The following SAXO5 variants were observed in gnomAD, a reference collection of about 807,000 sequenced individuals.
SAXO5 encodes stabilizer of axonemal microtubules 5.
the SAXO5 span, chr19:7,504,093 T>TCTCTCTCTCC: frequency 3.3e-6 from 5 of 1,498,540 alleles, no homozygotes; most frequent in African/African-American, 1.4e-5. Flanking sequence ...TCTCTCTCTC[T>TCTCTCTCTCC]CCCCCCATCC....
the SAXO5 span, chr19:7,508,444 A>C: frequency 1.3e-6 from 2 of 1,599,874 alleles, no homozygotes; most frequent in Non-Finnish European, 1.7e-6. Context: ...CCATCTTGGC[A>C]ACATTCCACT....
chr19:7,504,614 G>A, the SAXO5 span, among the ~76,000 whole-genome samples: 1 of 152,050 alleles, frequency 6.6e-6, no homozygotes, highest in East Asian at 1.9e-4. Context: ...GCTGAGGCAG[G>A]AGAATCGCCT....
At chr19:7,498,418 C>CA in the SAXO5 span, among the ~76,000 whole-genome samples, 1 of 117,608 alleles carries the variant, frequency 8.5e-6, no homozygotes, top group Non-Finnish European at 1.7e-5. Flanking sequence ...TTTTTTGAGA[C>CA]AGAGTTTCGC....
the SAXO5 span, chr19:7,500,729 A>AAGGAGTCAAAAGC: frequency 8.4e-7 from 1 of 1,190,024 alleles, no homozygotes; most frequent in Non-Finnish European, 1.1e-6. Flanking sequence ...AGGCAGCAGA[A>AAGGAGTCAAAAGC]AGGAGTCAAA....
chr19:7,501,411 C>T, the SAXO5 span: 3 of 1,471,334 alleles, frequency 2.0e-6, no homozygotes, highest in African/African-American at 1.5e-5. Context: ...TGAGCGCGCG[C>T]CCGGGCTGAG....
chr19:7,506,234 CCCCCAT>C, the SAXO5 span: 1 of 1,215,466 alleles, frequency 8.2e-7, no homozygotes, highest in South Asian at 1.5e-5. Flanking sequence ...GAAAGCCCCG[CCCCCAT>C]GGAGCCCCTC....
the SAXO5 span, chr19:7,506,218 A>G: frequency 8.7e-4 from 924 of 1,059,212 alleles, 6 homozygotes; most frequent in Admixed American, 0.018. Flanking sequence ...GGGAAGCCCC[A>G]CCCCCGAAAG....
At chr19:7,506,248 CTCCCCAT>C in the SAXO5 span, 1 of 616,444 alleles carries the variant, frequency 1.6e-6, no homozygotes, top group Non-Finnish European at 2.3e-6. Context: ...CATGGAGCCC[CTCCCCAT>C]GGAGCCCCGC....
At chr19:7,501,307 G>C in the SAXO5 span, 1 of 1,571,776 alleles carries the variant, frequency 6.4e-7, no homozygotes, top group Non-Finnish European at 8.6e-7. Context: ...CCTGGCGACC[G>C]CGACAAGTTG....
the SAXO5 span, chr19:7,507,072 C>A: frequency 6.2e-7 from 1 of 1,614,060 alleles, no homozygotes; most frequent in South Asian, 1.1e-5. Flanking sequence ...ATTTTTTAAC[C>A]ATGAACCAGA....
chr19:7,500,893 C>G, the SAXO5 span: 1 of 1,576,728 alleles, frequency 6.3e-7, no homozygotes, highest in Non-Finnish European at 8.6e-7. Context: ...CTCAAGGCCT[C>G]GCACTTCTCG....
chr19:7,503,918 G>A, the SAXO5 span, among the ~76,000 whole-genome samples: 2 of 152,326 alleles, frequency 1.3e-5, no homozygotes, highest in African/African-American at 4.8e-5. Context: ...ACAGGCATGG[G>A]CCATTGCACC....
the SAXO5 span, chr19:7,507,054 A>G: frequency 6.2e-7 from 1 of 1,612,786 alleles, no homozygotes; most frequent in Non-Finnish European, 8.5e-7. Flanking sequence ...CTGAATCTCC[A>G]GAATTCGATT....
At chr19:7,501,859 A>AAG in the SAXO5 span, among the ~76,000 whole-genome samples, 268 of 145,754 alleles carry the variant, frequency 1.8e-3, 1 homozygote, top group African/African-American at 6.1e-3. Context: ...AGAAAGAAGA[A>AAG]AGAGAGAGAG....
the SAXO5 span, chr19:7,501,476 C>T: frequency 3.0e-6 from 4 of 1,353,318 alleles, no homozygotes; most frequent in Non-Finnish European, 3.8e-6. Flanking sequence ...CTCTTCATTC[C>T]CCTTCCCCCA....
At chr19:7,501,010 C>A in the SAXO5 span, 2 of 1,528,790 alleles carry the variant, frequency 1.3e-6, no homozygotes, top group African/African-American at 2.8e-5. Context: ...CAGCCGCCGC[C>A]CGCGCTGCTT....
At chr19:7,501,915 GAGGA>G in the SAXO5 span, among the ~76,000 whole-genome samples, 2,346 of 120,596 alleles carry the variant, frequency 0.019, 65 homozygotes, top group African/African-American at 0.074. Context: ...ACAAGACAGA[GAGGA>G]AGGGAGGGAG....
chr19:7,498,719 A>G, the SAXO5 span, among the ~76,000 whole-genome samples: 1 of 152,034 alleles, frequency 6.6e-6, no homozygotes, highest in Non-Finnish European at 1.5e-5. Flanking sequence ...AAATAGGTAG[A>G]GGTAAGCAGG....
the SAXO5 span, among the ~76,000 whole-genome samples, chr19:7,504,668 T>G: frequency 6.7e-6 from 1 of 149,478 alleles, no homozygotes; most frequent in Non-Finnish European, 1.5e-5. Context: ...ATTGCACCAC[T>G]GCACTCCAGC....
Sources: allele counts gnomAD v4.1 joint callset (sites outside exome capture counted in the v4.1 genomes callset), GRCh38; gene constraint gnomAD v4.1.1; transcripts MANE v1.5; gene names NCBI Gene and HGNC (gene_info 2026-07-23, HGNC 2026-07-21).